Variants in LRP1B observed in about 807,000 individuals in gnomAD.
LRP1B encodes the protein LDL receptor related protein 1B, also known as low-density lipoprotein receptor-related protein 1B.
Under a neutral mutation model 556.6 loss-of-function variants are expected in LRP1B, and 217 were observed. The observed-to-expected ratio is 0.39, with a 90% CI of 0.35 to 0.44. LRP1B has a LOEUF of 0.44. LRP1B is among the 20% of genes least tolerant of loss of function. The pLI is 1.00. For synonymous variants in LRP1B, 2,047 were observed against 1,865.8 expected (o/e 1.10, Z -2.50); for missense variants, 5,053 against 5,620.8 (o/e 0.90, Z 3.23).
chr2:140,561,063 G>T (rs949646246), intron 43 of LRP1B, among the ~76,000 whole-genome samples: 1 of 151,958 alleles, frequency 6.6e-6, no homozygotes, highest in African/African-American at 2.4e-5. Flanking sequence ...CCTATCTCTG[G>T]CCCCTCATTC....
At chr2:141,636,968 G>C (rs993546003) in intron 2 of LRP1B, among the ~76,000 whole-genome samples, 1 of 152,052 alleles carries the variant, frequency 6.6e-6, no homozygotes, top group Non-Finnish European at 1.5e-5. Flanking sequence ...GGTTAGTCCT[G>C]GGAAGAGACT....
At chr2:141,294,911 G>T (rs1046576889) in intron 3 of LRP1B, among the ~76,000 whole-genome samples, 2 of 151,776 alleles carry the variant, frequency 1.3e-5, no homozygotes, top group Non-Finnish European at 1.5e-5. Context: ...TTAAAAAATT[G>T]CTTGTTATTT....
Position 140,601,648 on chromosome 2 carries a change from G to T in LRP1B, c.6800-9C>A. 1 of 1,529,002 alleles carries T rather than the reference G, an allele frequency of 6.5e-7. No individual in the cohort carries two copies. The highest frequency in any genetic ancestry group is 8.8e-7 in the Non-Finnish European group (1 of 1,132,524). The allele number at this position is 1,529,002 out of a possible 1,614,324, so 94.7% of individuals were successfully genotyped here. On this transcript the variant is annotated splice_polypyrimidine_tract_variant and intron_variant, in intron 41 of 90. Coordinates refer to ENST00000389484, the MANE Select transcript of LRP1B (RefSeq NM_018557.3). ...TTCCACAGAACCCACATCTAGTGGG[G>T]GAAGAAAAAGAAAAAATATATACTT... is the stretch of plus-strand genomic sequence containing the variant.
intron 3 of LRP1B, among the ~76,000 whole-genome samples, chr2:141,383,403 C>T (rs966015274): frequency 1.3e-5 from 2 of 152,108 alleles, no homozygotes; most frequent in Non-Finnish European, 2.9e-5. Flanking sequence ...AAAGAGATAT[C>T]AACAATTTCA....
chr2:142,046,441 C>T (rs995196378), intron 1 of LRP1B, among the ~76,000 whole-genome samples: 1 of 151,788 alleles, frequency 6.6e-6, no homozygotes, highest in Non-Finnish European at 1.5e-5. Context: ...ATCCACTGAG[C>T]TTTTTTTTGT....
rs1193065144 is a variant in LRP1B, at chr2:140,450,639, C to T, written c.9986G>A (p.Cys3329Tyr). 6.2e-7 allele frequency: 1 copy of T among 1,610,186 alleles called. No individual in the cohort carries two copies. The highest frequency in any genetic ancestry group is 8.5e-7 in the Non-Finnish European group (1 of 1,178,480). ...ASQFRCKTDKCIPFWWKCDTV... is the reference protein window; with the variant it reads ...ASQFRCKTDKYIPFWWKCDTV... ...GTCACATTTCCACCAGAATGGAATA[C>T]ATTTGTCAGTTTTGCAACGAAACTT... Residue 3329 changes from cysteine (C) to tyrosine (Y), a missense_variant, in exon 63 of 91, where the codon TGT becomes TAT. Cys to Tyr is a radical substitution (Grantham distance 194, BLOSUM62 -2). Around this residue, in one of 5 missense-constraint regions of LRP1B, gnomAD observed 262 missense variants for 395.1 expected, o/e 0.66. Transcript: ENST00000389484.
At chr2:140,344,325 C>T (rs934404695) in intron 77 of LRP1B, among the ~76,000 whole-genome samples, 5 of 151,738 alleles carry the variant, frequency 3.3e-5, no homozygotes, top group Admixed American at 1.3e-4. Flanking sequence ...ATGCCTGGCT[C>T]AAACCTAGGT....
chr2:140,390,145 G>GA (rs967067894), intron 66 of LRP1B, among the ~76,000 whole-genome samples: 30 of 147,058 alleles, frequency 2.0e-4, no homozygotes, highest in Middle Eastern at 3.4e-3. Flanking sequence ...CAAACAAACA[G>GA]AAAAAAAAAT....
intron 3 of LRP1B, among the ~76,000 whole-genome samples, chr2:141,293,263 C>G (rs1364946582): frequency 6.6e-6 from 1 of 152,166 alleles, no homozygotes; most frequent in African/African-American, 2.4e-5. Context: ...GTTGATATGA[C>G]TCAAATATCA....
At chr2:141,609,720 T>C (rs754405309) in intron 2 of LRP1B, among the ~76,000 whole-genome samples, 80 of 152,316 alleles carry the variant, frequency 5.3e-4, no homozygotes, top group Non-Finnish European at 9.8e-4. Flanking sequence ...AGACTCCTTT[T>C]TTCCTCTAAT....
At chr2:140,721,916 T>C (rs1687418394) in intron 35 of LRP1B, among the ~76,000 whole-genome samples, 2 of 151,926 alleles carry the variant, frequency 1.3e-5, no homozygotes, top group South Asian at 4.1e-4. Context: ...AAATTTTAAG[T>C]GTACAGTTTG....
At chr2:140,743,687 C>T (rs554714866) in intron 35 of LRP1B, among the ~76,000 whole-genome samples, 29 of 152,030 alleles carry the variant, frequency 1.9e-4, no homozygotes, top group African/African-American at 6.8e-4. Flanking sequence ...AGGCTGGGAG[C>T]GGTGGCTCAT....
intron 3 of LRP1B, among the ~76,000 whole-genome samples, chr2:141,310,644 C>T (rs1407433964): frequency 6.6e-6 from 1 of 152,092 alleles, no homozygotes; most frequent in African/African-American, 2.4e-5. Context: ...CATACACGGA[C>T]ACACACAAAG....
intron 31 of LRP1B, among the ~76,000 whole-genome samples, chr2:140,834,351 T>G (rs62173624): frequency 0.47 from 71,646 of 152,050 alleles, 18,622 homozygotes; most frequent in East Asian, 0.65. Context: ...GCGATCCTCC[T>G]GCCTCAGCCT....
At chr2:140,760,097 A>C (rs1688863659) in intron 35 of LRP1B, among the ~76,000 whole-genome samples, 1 of 152,188 alleles carries the variant, frequency 6.6e-6, no homozygotes, top group Non-Finnish European at 1.5e-5. Flanking sequence ...CAAATGTGGC[A>C]AACTCATGAC....
intron 3 of LRP1B, among the ~76,000 whole-genome samples, chr2:141,457,675 T>C (rs572326291): frequency 6.6e-6 from 1 of 152,014 alleles, no homozygotes; most frequent in Non-Finnish European, 1.5e-5. Flanking sequence ...GTGAAATACA[T>C]AGGAAATAGT....
chr2:140,909,258 T>C (rs1694348020), intron 21 of LRP1B, among the ~76,000 whole-genome samples: 1 of 152,140 alleles, frequency 6.6e-6, no homozygotes, highest in Non-Finnish European at 1.5e-5. Flanking sequence ...ACTGACTACA[T>C]ACCAGCATCT....
intron 2 of LRP1B, among the ~76,000 whole-genome samples, chr2:141,583,213 G>T (rs898619368): frequency 6.6e-6 from 1 of 152,016 alleles, no homozygotes; most frequent in South Asian, 2.1e-4. Context: ...GACTTATTTC[G>T]CAACTGAAAA....
chr2:140,358,705 G>C, intron 73 of LRP1B, 116 bp downstream of exon 73: 1 of 1,096,906 alleles, frequency 9.1e-7, no homozygotes. Flanking sequence ...TCAAATGTCT[G>C]AAAATAATGC....
Sources: gnomAD v4.1 joint callset for allele counts (sites outside exome capture counted in the v4.1 genomes callset) on GRCh38, gnomAD v4.1.1 for gene constraint, gnomAD v4.1.1 regional missense constraint, MANE v1.5 for transcripts, NCBI Gene and HGNC (gene_info 2026-07-23, HGNC 2026-07-21) for gene names.